The following TMEM131 variants were observed in gnomAD, a reference collection of about 807,000 sequenced individuals.
TMEM131 encodes 2610524E03Rik.
TMEM131 carries 66 observed loss-of-function variants against 211.6 expected under a neutral mutation model. The observed-to-expected ratio is 0.31, with a 90% CI of 0.26 to 0.38. The LOEUF (loss-of-function observed/expected upper bound fraction) is 0.38, where lower values mean the gene tolerates loss of function less well. Ranked by LOEUF, TMEM131 falls within the 10% of genes least tolerant of loss-of-function variation. The probability of loss-of-function intolerance (pLI) is 1.00; values close to 1 mark genes in which losing one functional copy is unlikely to be tolerated. For missense variants in TMEM131, 2,036 were observed against 2,299.3 expected (o/e 0.89, Z 2.34); for synonymous variants, 844 against 841.3 (o/e 1.00, Z -0.06).
At chr2:97,973,428 C>T (rs976308561) in intron 1 of TMEM131, among the ~76,000 whole-genome samples, 2 of 152,166 alleles carry the variant, frequency 1.3e-5, no homozygotes, top group African/African-American at 4.8e-5. Context: ...AGTTACTAGG[C>T]CACAGTGCAG....
intron 4 of TMEM131, among the ~76,000 whole-genome samples, chr2:97,861,722 T>C (rs1674076690): frequency 6.6e-6 from 1 of 151,928 alleles, no homozygotes; most frequent in Non-Finnish European, 1.5e-5. Flanking sequence ...ACTAGGTAGA[T>C]TTCTAAGGTG....
At chr2:97,796,487 T>G in intron 27 of TMEM131, 83 bp from the exon 28 acceptor site, 1 of 864,482 alleles carries the variant, frequency 1.2e-6, no homozygotes, top group Non-Finnish European at 1.8e-6. Flanking sequence ...TATTCATGAA[T>G]TACTATATGT....
At chr2:97,784,451 T>C (rs1049078134) in intron 31 of TMEM131, among the ~76,000 whole-genome samples, 8 of 151,834 alleles carry the variant, frequency 5.3e-5, no homozygotes, top group South Asian at 2.1e-4. Context: ...AACAGAAAGA[T>C]AGGAAAAGTC....
chr2:97,915,530 C>T (rs1676474608), intron 2 of TMEM131, among the ~76,000 whole-genome samples: 2 of 152,114 alleles, frequency 1.3e-5, no homozygotes, highest in African/African-American at 4.8e-5. Context: ...TTACTAGAGA[C>T]AAGGTCTCAC....
intron 1 of TMEM131, among the ~76,000 whole-genome samples, chr2:97,978,378 T>A (rs1679638370): frequency 6.6e-6 from 1 of 152,158 alleles, no homozygotes; most frequent in South Asian, 2.1e-4. Flanking sequence ...TCTTCATTTG[T>A]TCAAGTTTTA....
At chr2:97,823,982 C>T (rs960923718) in intron 11 of TMEM131, among the ~76,000 whole-genome samples, 7 of 152,242 alleles carry the variant, frequency 4.6e-5, no homozygotes, top group African/African-American at 1.7e-4. Context: ...CCAAGAGGAA[C>T]AGGCCCAAAA....
intron 1 of TMEM131, among the ~76,000 whole-genome samples, chr2:97,978,705 T>C (rs1679655598): frequency 1.3e-5 from 2 of 152,218 alleles, no homozygotes; most frequent in African/African-American, 4.8e-5. Context: ...CTATTTCCAC[T>C]GTATCTGCAG....
intron 1 of TMEM131, among the ~76,000 whole-genome samples, chr2:97,982,009 T>A (rs1374679755): frequency 1.3e-5 from 2 of 152,226 alleles, no homozygotes; most frequent in African/African-American, 4.8e-5. Context: ...CACAAGTTTT[T>A]ATGTGCAAGT....
At chr2:97,805,041 AG>A in intron 22 of TMEM131, 46 bp downstream of exon 22, 1 of 1,268,442 alleles carries the variant, frequency 7.9e-7, no homozygotes, top group Non-Finnish European at 1.1e-6. Context: ...ATGTTTCAAT[AG>A]TCATCTTGTA....
Position 97,927,417 on chromosome 2 carries a change from A to T in TMEM131, c.249+9T>A, listed in dbSNP as rs761383492. On this transcript the variant is annotated intron_variant, in intron 2 of 40. Coordinates refer to ENST00000186436, the MANE Select transcript of TMEM131 (RefSeq NM_015348.2). Reference sequence around the variant, plus strand: ...TTAACAATAACTTGTCTACTTAAAAAAAAATTACCTGTAGTAGCCCTCCAT... The same window carrying T: ...TTAACAATAACTTGTCTACTTAAAATAAAATTACCTGTAGTAGCCCTCCAT... 1 of 1,581,880 alleles carries T rather than the reference A, an allele frequency of 6.3e-7. No homozygotes were observed. Among genetic ancestry groups the T allele is most frequent in the Non-Finnish European group, 8.6e-7 (1 of 1,166,292 alleles).
chr2:97,878,632 G>A (rs913097994), intron 4 of TMEM131, among the ~76,000 whole-genome samples: 2 of 152,146 alleles, frequency 1.3e-5, no homozygotes, highest in Non-Finnish European at 2.9e-5. Context: ...TTACTCGTAA[G>A]TGGGAGTTGA....
intron 4 of TMEM131, among the ~76,000 whole-genome samples, chr2:97,882,142 A>C (rs1287882110): frequency 6.6e-6 from 1 of 152,248 alleles, no homozygotes; most frequent in African/African-American, 2.4e-5. Context: ...TTCTAGAGTC[A>C]GAAGTTCAAA....
At position 97,888,117 on chromosome 2, in the gene TMEM131, T is replaced by G. The variant is rs1372434369; in HGVS notation, c.294A>C (p.Ile98=). ...LGLSSYQQKS[I]SLYRGNCRPI... is the part of the protein sequence containing the mutation. ...GCCTGCAATTCCCCCGGTAGAGAGATATACTGTAAATAAAAAGAAAACAAC... is the reference window on the plus strand; with the variant it reads ...GCCTGCAATTCCCCCGGTAGAGAGAGATACTGTAAATAAAAAGAAAACAAC... Residue 98 remains isoleucine, a synonymous_variant, in exon 4 of 41, where the codon ATA becomes ATC. Coordinates refer to ENST00000186436, the MANE Select transcript of TMEM131 (RefSeq NM_015348.2). 6 of 1,611,834 alleles carry G rather than the reference T, an allele frequency of 3.7e-6. No homozygotes were observed. The highest frequency in any genetic ancestry group is 1.7e-5 in the Admixed American group (1 of 59,918).
Position 97,762,101 on chromosome 2 carries a change from G to T in TMEM131, c.4823C>A (p.Pro1608Gln), listed in dbSNP as rs766717294. The change falls in exon 36 of 41, where the codon CCA becomes CAA. Residue 1608 changes from proline to glutamine, a missense_variant. This residue lies in a region of TMEM131 where 1,623 missense variants were observed against 1,805.9 expected (regional missense o/e 0.90). Transcript: ENST00000186436. The part of the protein sequence containing the change: ...TSPTPASPSP[P>Q]AAPCPFVARG... ...GGCCACAAAGGGGCAGGGGGCAGCT[G>T]GGGGAGACGGGGAAGCAGGTGTCGG... 1 of 1,612,606 alleles carries T rather than the reference G, an allele frequency of 6.2e-7. No homozygotes were observed. The highest frequency in any genetic ancestry group is 1.3e-5 in the African/African-American group (1 of 74,844).
chr2:97,882,554 G>C (rs1283065807), intron 4 of TMEM131, among the ~76,000 whole-genome samples: 1 of 152,130 alleles, frequency 6.6e-6, no homozygotes, highest in Non-Finnish European at 1.5e-5. Flanking sequence ...CTCTCCTCAG[G>C]ATCTTCCCTG....
chr2:97,959,140 T>C (rs1249633931), intron 1 of TMEM131, among the ~76,000 whole-genome samples: 1 of 152,110 alleles, frequency 6.6e-6, no homozygotes, highest in Non-Finnish European at 1.5e-5. Context: ...AGTAGATGCC[T>C]TGGAAAGTCA....
intron 5 of TMEM131, among the ~76,000 whole-genome samples, chr2:97,851,471 T>C (rs1179830364): frequency 6.6e-6 from 1 of 152,234 alleles, no homozygotes; most frequent in Non-Finnish European, 1.5e-5. Context: ...TCTCATTTTA[T>C]TGTGCTTTGC....
intron 6 of TMEM131, among the ~76,000 whole-genome samples, chr2:97,843,483 T>C (rs1683292604): frequency 6.6e-6 from 1 of 152,142 alleles, no homozygotes; most frequent in Non-Finnish European, 1.5e-5. Flanking sequence ...CTACAAGTGC[T>C]CACCACTGTG....
intron 5 of TMEM131, among the ~76,000 whole-genome samples, chr2:97,848,784 T>A (rs1384154948): frequency 1.3e-5 from 2 of 152,140 alleles, no homozygotes; most frequent in South Asian, 2.1e-4. Context: ...TCCCAAAGCA[T>A]GACCCATAAA....
Sources: gnomAD v4.1 joint callset for allele counts (sites outside exome capture counted in the v4.1 genomes callset) on GRCh38, gnomAD v4.1.1 for gene constraint, gnomAD v4.1.1 regional missense constraint, MANE v1.5 for transcripts, NCBI Gene and HGNC (gene_info 2026-07-23, HGNC 2026-07-21) for gene names.